Variants in MIB1 observed in about 807,000 individuals in gnomAD.
MIB1 encodes E3 ubiquitin-protein ligase MIB1.
Under a neutral mutation model 124.5 loss-of-function variants are expected in MIB1, and 278 were observed. The observed-to-expected ratio is 2.23, with a 90% CI of 2.02 to 2.47. The LOEUF is 2.47. Ranked by LOEUF, MIB1 falls within the 30% of genes most tolerant of loss-of-function variation. The pLI is 0.00. For synonymous variants in MIB1, 446 were observed against 429.4 expected (o/e 1.04, Z -0.48); for missense variants, 957 against 1,254.4 (o/e 0.76, Z 3.58).
chr18:21,708,416 G>A (rs1054587483), intron 1 of MIB1, among the ~76,000 whole-genome samples: 2 of 152,220 alleles, frequency 1.3e-5, no homozygotes, highest in Non-Finnish European at 2.9e-5. Flanking sequence ...CACTTTGGGA[G>A]GCCGATGCAG....
upstream of MIB1, among the ~76,000 whole-genome samples, chr18:21,737,639 A>C (rs1296337984): frequency 6.6e-6 from 1 of 152,176 alleles, no homozygotes; most frequent in Non-Finnish European, 1.5e-5. Context: ...GACCCATCTC[A>C]TGTACAAAGA....
At chr18:21,842,068 G>C (rs1296653873) in intron 13 of MIB1, among the ~76,000 whole-genome samples, 1 of 136,002 alleles carries the variant, frequency 7.4e-6, no homozygotes, top group Non-Finnish European at 1.5e-5. Context: ...CTCCAGCCTG[G>C]GTGACAGAGT....
At chr18:21,843,732 T>C (rs1039165808) in intron 14 of MIB1, among the ~76,000 whole-genome samples, 2 of 152,318 alleles carry the variant, frequency 1.3e-5, no homozygotes, top group South Asian at 2.1e-4. Context: ...TTGAACATTA[T>C]GATTTGGTCC....
At chr18:21,720,195 G>T (rs977547843) in intron 1 of MIB1, among the ~76,000 whole-genome samples, 1 of 152,142 alleles carries the variant, frequency 6.6e-6, no homozygotes, top group Non-Finnish European at 1.5e-5. Flanking sequence ...CAAAATGAAG[G>T]AATGGTAGAA....
In MIB1 at chr18:21,858,530, T is replaced by A. The variant is rs776902941; in HGVS notation, c.2780-16T>A. 1.6e-5 allele frequency: 19 copies of A among 1,173,324 alleles called. No individual in the cohort carries two copies. Among genetic ancestry groups the A allele is most frequent in the Admixed American group, 3.8e-5 (2 of 52,342 alleles). 72.7% of individuals were successfully genotyped at this position (1,173,324 alleles called of 1,614,324 possible). ...AAGCAATAATAACTGAAAATCTTTT[T>A]AAATCTATATTATAGCAAGTGGGAA... is the stretch of plus-strand genomic sequence containing the variant. On this transcript the variant is annotated splice_polypyrimidine_tract_variant and intron_variant, in intron 19 of 20. Transcript: ENST00000261537.
chr18:21,723,361 G>T (rs1311227240), intron 1 of MIB1, among the ~76,000 whole-genome samples: 3 of 151,822 alleles, frequency 2.0e-5, no homozygotes, highest in East Asian at 3.9e-4. Context: ...AGGATCCCTG[G>T]TTTCCCTTAT....
chr18:21,835,411 A>T (rs760796013), intron 12 of MIB1, among the ~76,000 whole-genome samples: 3 of 152,110 alleles, frequency 2.0e-5, no homozygotes, highest in Non-Finnish European at 2.9e-5. Context: ...AGAGTCTAGA[A>T]TGATTCCCTG....
chr18:21,849,264 T>TC lies in MIB1; in HGVS notation c.2462_2463insC (p.Cys822ValfsTer33). On this transcript the variant is annotated frameshift_variant, in exon 17 of 21. Coordinates refer to ENST00000261537, the MANE Select transcript of MIB1 (RefSeq NM_020774.4). LOFTEE classifies it high-confidence loss of function. ...TCTGAAACCTTAGAAGAGTGTATGG[T>TC]GTGCTCAGATATGAAGAGAGATACT... The TC allele has an allele frequency of 1.2e-6, 2 of 1,613,062 alleles. No homozygotes were observed. Among genetic ancestry groups the TC allele is most frequent in the Non-Finnish European group, 1.7e-6 (2 of 1,179,312 alleles).
chr18:21,713,486 G>A (rs369781305), intron 1 of MIB1, among the ~76,000 whole-genome samples: 13 of 151,540 alleles, frequency 8.6e-5, no homozygotes, highest in African/African-American at 2.4e-4. Context: ...GGTGGCACGC[G>A]CCTGTAATCC....
chr18:21,868,639 A>G lies in MIB1; in HGVS notation c.*3973A>G, dbSNP rs2042336757. 1.3e-5 allele frequency: 2 copies of G among 152,384 alleles called. No homozygotes were observed. The highest frequency in any genetic ancestry group is 2.1e-4 in the South Asian group (1 of 4,826). 9.4% of individuals were successfully genotyped at this position (152,384 alleles called of 1,614,324 possible). ...TTTATGTCTGCTTGTAAAAGTTTCA[A>G]AATATGTTTTCCCTCAAAAAGGCAA... is the stretch of plus-strand genomic sequence containing the variant. On this transcript the variant is annotated 3_prime_UTR_variant, in exon 21 of 21. Transcript: ENST00000261537.
At chr18:21,735,392 C>T (rs746919454) in intron 1 of MIB1, among the ~76,000 whole-genome samples, 19 of 152,162 alleles carry the variant, frequency 1.2e-4, no homozygotes, top group Admixed American at 3.3e-4. Flanking sequence ...AAATTCCCTC[C>T]GGTGCCTACG....
At chr18:21,809,615 G>A (rs1219990344) in intron 10 of MIB1, among the ~76,000 whole-genome samples, 3 of 152,068 alleles carry the variant, frequency 2.0e-5, no homozygotes, top group Non-Finnish European at 2.9e-5. Context: ...AAATCAATTA[G>A]TGTAATATGC....
chr18:21,831,103 G>GAAAAAAA (rs2041975687), intron 12 of MIB1: 1 of 70,340 alleles, frequency 1.4e-5, no homozygotes, highest in African/African-American at 5.2e-5. Context: ...GTCTAAAAAA[G>GAAAAAAA]ACAAAAAAAA....
At chr18:21,814,278 C>T (rs1763460951) in intron 10 of MIB1, among the ~76,000 whole-genome samples, 6 of 151,070 alleles carry the variant, frequency 4.0e-5, no homozygotes, top group Middle Eastern at 3.5e-3. Context: ...TTTCTGTTCT[C>T]GAATATACAG....
At chr18:21,780,546 T>C (rs2041349037) in intron 6 of MIB1, among the ~76,000 whole-genome samples, 1 of 152,236 alleles carries the variant, frequency 6.6e-6, no homozygotes, top group Non-Finnish European at 1.5e-5. Context: ...TCCATTCATG[T>C]TGCTGCAGAT....
At chr18:21,792,582 TA>T (rs1222853336) in intron 7 of MIB1, among the ~76,000 whole-genome samples, 1 of 152,112 alleles carries the variant, frequency 6.6e-6, no homozygotes, top group Non-Finnish European at 1.5e-5. Flanking sequence ...TAGTGAACAA[TA>T]CAGAAAAAAT....
intron 7 of MIB1, among the ~76,000 whole-genome samples, chr18:21,796,151 T>C (rs1046798014): frequency 4.0e-5 from 6 of 150,292 alleles, no homozygotes; most frequent in African/African-American, 1.2e-4. Context: ...TTTAAGTTCC[T>C]TGTAGATTCT....
intron 12 of MIB1, chr18:21,825,962 TTTTCC>T: frequency 3.2e-6 from 1 of 315,478 alleles, no homozygotes; most frequent in South Asian, 2.4e-5. Context: ...TTTAAAAATC[TTTTCC>T]TTTTAACACA....
chr18:21,754,950 A>T (rs1310767364), intron 1 of MIB1, among the ~76,000 whole-genome samples: 2 of 152,170 alleles, frequency 1.3e-5, no homozygotes, highest in East Asian at 3.9e-4. Flanking sequence ...GGTCTACAGT[A>T]TTTCTGACAA....
Sources: gnomAD v4.1 joint callset for allele counts (sites outside exome capture counted in the v4.1 genomes callset) on GRCh38, gnomAD v4.1.1 for gene constraint, MANE v1.5 for transcripts, NCBI Gene and HGNC (gene_info 2026-07-23, HGNC 2026-07-21) for gene names.